The following C18orf54 variants were observed in gnomAD, a reference collection of about 807,000 sequenced individuals.
C18orf54 encodes chromosome 18 open reading frame 54.
A neutral mutation model predicts 49.3 loss-of-function variants in C18orf54; 49 were observed. The observed-to-expected ratio is 0.99, with a 90% confidence interval of 0.79 to 1.26. C18orf54 has a LOEUF of 1.26. C18orf54 is among the 50% of genes most tolerant of loss of function. C18orf54 has a pLI of 0.00. For synonymous variants in C18orf54, 211 were observed against 216.6 expected (o/e 0.97, Z 0.23); for missense variants, 687 against 620.6 (o/e 1.11, Z -1.14).
chr18:54,365,617 GT>G, intron 5 of C18orf54, 101 bp from the exon 6 acceptor site: 2 of 580,054 alleles, frequency 3.4e-6, no homozygotes, highest in Non-Finnish European at 6.1e-6. Context: ...TTATTTCTTG[GT>G]GACTACTTGT....
chr18:54,370,058 C>T lies in C18orf54; in HGVS notation c.1327-2408C>T, dbSNP rs181128653. Among the ~76,000 whole-genome samples, 48 of 151,998 alleles carry T rather than the reference C, an allele frequency of 3.2e-4. No homozygotes were observed. In the East Asian group the frequency reaches 4.5e-3, roughly 14 times the overall value. ...TTGGGAGGCCGAGGCGAGCGGATCACGAGGTCAGGAGATCGAGACCATCCT... is the reference window on the plus strand; with the variant it reads ...TTGGGAGGCCGAGGCGAGCGGATCATGAGGTCAGGAGATCGAGACCATCCT... On this transcript the variant is annotated intron_variant, in intron 6 of 8. Transcript: ENST00000620105.
chr18:54,372,451 C>T lies in C18orf54; in HGVS notation c.1327-15C>T, dbSNP rs1431768464. The T allele has an allele frequency of 2.6e-6, 4 of 1,525,936 alleles. No individual in the cohort carries two copies. The South Asian group carries it at 5.5e-5, about 21-fold the overall frequency. The allele number at this position is 1,525,936 out of a possible 1,614,324, so 94.5% of individuals were successfully genotyped here. On this transcript the variant is annotated splice_polypyrimidine_tract_variant and intron_variant, in intron 6 of 8. Coordinates refer to ENST00000620105, the MANE Select transcript of C18orf54 (RefSeq NM_001288980.2). ...TGGATGGTTAACTTTATACTATCAT[C>T]TGTTTTAACCTTAGAGCTGTACTCT...
intron 5 of C18orf54, chr18:54,364,089 C>CT (rs1295578279): frequency 6.6e-6 from 1 of 151,304 alleles, no homozygotes; most frequent in African/African-American, 2.4e-5. Flanking sequence ...TTATTTTCTT[C>CT]TTTTAGCTTC....
In C18orf54 at chr18:54,362,349, T is replaced by A. The variant is rs2089288990; in HGVS notation, c.990T>A (p.Asn330Lys). ...NSLSDDKELV[N>K]EYKCDFEHSQ... ...TGAGTGATGATAAAGAATTAGTTAA[T>A]GAATACAAATGTGATTTTGAACATA... Residue 330 changes from asparagine (N) to lysine (K), a missense_variant, in exon 4 of 9, where the codon AAT (asparagine) becomes AAA (lysine). Coordinates refer to ENST00000620105, the MANE Select transcript of C18orf54 (RefSeq NM_001288980.2). The A allele has an allele frequency of 6.5e-7, 1 of 1,535,948 alleles. No homozygotes were observed. Among genetic ancestry groups the A allele is most frequent in the Non-Finnish European group, 8.7e-7 (1 of 1,146,772 alleles).
At chr18:54,362,560 G>C (rs2089294358) in intron 4 of C18orf54, 129 bp downstream of exon 4, 1 of 923,650 alleles carries the variant, frequency 1.1e-6, no homozygotes, top group Non-Finnish European at 1.6e-6. Context: ...TTTTTGGAAT[G>C]CTTATAATCT....
rs765791921 is a variant in C18orf54 at position 54,378,205 on chromosome 18, C to T, written c.1561C>T (p.Leu521=). The change falls in exon 9 of 9, where the codon CTG becomes TTG. Residue 521 remains leucine, a synonymous_variant. Coordinates refer to ENST00000620105, the MANE Select transcript of C18orf54 (RefSeq NM_001288980.2). ...ALHHLSRLRD[L]VDDTNGERSP... ...GCACCATTTATCTCGCCTGAGAGACCTGGTTGATGATACGAATGGAGAACG... is the reference window on the plus strand; with the variant it reads ...GCACCATTTATCTCGCCTGAGAGACTTGGTTGATGATACGAATGGAGAACG... 4 of 1,613,072 alleles carry T rather than the reference C, an allele frequency of 2.5e-6. No individual in the cohort carries two copies. The highest frequency in any genetic ancestry group is 4.5e-5 in the East Asian group (2 of 44,824).
At chr18:54,368,378 G>A (rs769597671) in intron 6 of C18orf54, among the ~76,000 whole-genome samples, 71 of 152,020 alleles carry the variant, frequency 4.7e-4, no homozygotes, top group Non-Finnish European at 8.8e-4. Context: ...CAGATCATCT[G>A]CAGGTCTTTA....
chr18:54,367,178 G>A (rs1200229115), intron 6 of C18orf54, among the ~76,000 whole-genome samples: 1 of 152,118 alleles, frequency 6.6e-6, no homozygotes, highest in Non-Finnish European at 1.5e-5. Context: ...TGATAAGTGA[G>A]GACGTATTCC....
chr18:54,362,745 G>T, intron 4 of C18orf54, 26 bp from the exon 5 acceptor site: 1 of 1,586,172 alleles, frequency 6.3e-7, no homozygotes, highest in South Asian at 1.2e-5. Flanking sequence ...TTTCTTCAAG[G>T]ATTAATAGTC....
chr18:54,364,977 A>G (rs2089352138), intron 5 of C18orf54, among the ~76,000 whole-genome samples: 1 of 152,078 alleles, frequency 6.6e-6, no homozygotes, highest in Non-Finnish European at 1.5e-5. Context: ...TTTGTGATTA[A>G]TAGAATTTGA....
chr18:54,375,738 C>T (rs911174502), intron 8 of C18orf54, among the ~76,000 whole-genome samples: 3 of 151,704 alleles, frequency 2.0e-5, no homozygotes, highest in Non-Finnish European at 4.4e-5. Flanking sequence ...AATAGTCTTA[C>T]CTGTATATGG....
At chr18:54,361,376 G>A (rs1314917597) in intron 3 of C18orf54, among the ~76,000 whole-genome samples, 3 of 152,142 alleles carry the variant, frequency 2.0e-5, no homozygotes, top group Non-Finnish European at 4.4e-5. Context: ...ATGTCTAGAT[G>A]ATGAAAGTTG....
intron 6 of C18orf54, among the ~76,000 whole-genome samples, chr18:54,369,084 A>G (rs976768981): frequency 2.0e-5 from 3 of 152,182 alleles, no homozygotes; most frequent in African/African-American, 7.2e-5. Flanking sequence ...GCTGAGTGCT[A>G]CTAGGGTGTT....
chr18:54,360,651 A>C lies in C18orf54; in HGVS notation c.79A>C (p.Ser27Arg). The C allele has an allele frequency of 6.2e-7, 1 of 1,614,058 alleles. No individual in the cohort carries two copies. The highest frequency in any genetic ancestry group is 8.5e-7 in the Non-Finnish European group (1 of 1,179,922). Residue 27 changes from serine (S) to arginine (R), a missense_variant, in exon 3 of 9, where the codon AGT becomes CGT. Coordinates refer to ENST00000620105, the MANE Select transcript of C18orf54 (RefSeq NM_001288980.2). ...VSALLASCTL[S>R]GSNSSNSDGS... is the part of the protein sequence containing the mutation. ...TGCCCTGCTGGCAAGCTGCACCCTG[A>C]GTGGTAGTAATTCCTCTAATTCTGA... is the stretch of plus-strand genomic sequence containing the variant.
rs1168364001 is a variant in C18orf54 at position 54,378,762 on chromosome 18, AATTTAAT to A, written c.*523_*529del. On this transcript the variant is annotated 3_prime_UTR_variant, in exon 9 of 9. Transcript: ENST00000620105. ...AGTCTGTTACTTTGAAATTTTCATA[AATTTAAT>A]ATTTAAGATACATTGTATTTGAAAA... 7 of 152,220 alleles carry A rather than the reference AATTTAAT, an allele frequency of 4.6e-5. No individual in the cohort carries two copies. In the South Asian group the frequency reaches 8.3e-4, roughly 18 times the overall value. 9.4% of individuals were successfully genotyped at this position (152,220 alleles called of 1,614,324 possible).
chr18:54,364,606 A>T (rs966701415), intron 5 of C18orf54, among the ~76,000 whole-genome samples: 1 of 152,126 alleles, frequency 6.6e-6, no homozygotes, highest in African/African-American at 2.4e-5. Flanking sequence ...GTAGAGCAAA[A>T]CCACAATCAG....
chr18:54,372,518 A>G lies in C18orf54; in HGVS notation c.1379A>G (p.Gln460Arg). The change falls in exon 7 of 9, where the codon CAA (glutamine) becomes CGA (arginine). Residue 460 changes from glutamine (Q) to arginine (R), a missense_variant. Transcript: ENST00000620105. ...KHHGPVEALKQMLFNLQAVQE... is the reference protein window; with the variant it reads ...KHHGPVEALKRMLFNLQAVQE... ...CATGGTCCTGTTGAAGCCCTGAAACAAATGTTATTTAACCTTCAAGCAGTA... is the reference window on the plus strand; with the variant it reads ...CATGGTCCTGTTGAAGCCCTGAAACGAATGTTATTTAACCTTCAAGCAGTA... 2 of 1,611,382 alleles carry G rather than the reference A, an allele frequency of 1.2e-6. No individual in the cohort carries two copies. Among genetic ancestry groups the G allele is most frequent in the South Asian group, 2.2e-5 (2 of 90,604 alleles).
chr18:54,360,456 C>A (rs1462607614), intron 2 of C18orf54, 71 bp from the exon 3 acceptor site: 1 of 904,022 alleles, frequency 1.1e-6, no homozygotes, highest in Non-Finnish European at 1.7e-6. Context: ...AAAAGGTTTA[C>A]ATATTTAGTA....
chr18:54,374,106 G>T, intron 7 of C18orf54, 108 bp from the exon 8 acceptor site: 2 of 950,310 alleles, frequency 2.1e-6, no homozygotes, highest in Non-Finnish European at 3.0e-6. Flanking sequence ...AGAATTGTTT[G>T]GAAATGTAGA....
Sources: gnomAD v4.1 joint callset for allele counts (sites outside exome capture counted in the v4.1 genomes callset) on GRCh38, gnomAD v4.1.1 for gene constraint, MANE v1.5 for transcripts, NCBI Gene and HGNC (gene_info 2026-07-23, HGNC 2026-07-21) for gene names.